The following AKT3 variants were observed in gnomAD, a reference collection of about 807,000 sequenced individuals.
AKT3 encodes the protein AKT serine/threonine kinase 3, also known as RAC-gamma serine/threonine-protein kinase.
A neutral mutation model predicts 65.3 loss-of-function variants in AKT3; 15 were observed. The ratio of observed to expected loss-of-function variants is 0.23; its 90% CI spans 0.15 to 0.35. The LOEUF (loss-of-function observed/expected upper bound fraction) is 0.35. AKT3 is among the 10% of genes least tolerant of loss of function. The pLI, the probability that AKT3 is intolerant of heterozygous loss-of-function variation, is 1.00. For synonymous variants in AKT3, 206 were observed against 183.8 expected (o/e 1.12, Z -0.98); for missense variants, 243 against 576.5 (o/e 0.42, Z 5.92).
At chr1:243,746,223 G>A (rs567506506) in intron 2 of AKT3, among the ~76,000 whole-genome samples, 7 of 151,598 alleles carry the variant, frequency 4.6e-5, no homozygotes, top group African/African-American at 1.2e-4. Flanking sequence ...ATAATTTAAC[G>A]TCCATTTCTA....
intron 2 of AKT3, among the ~76,000 whole-genome samples, chr1:243,742,380 C>G (rs113818244): frequency 0.03 from 4,588 of 152,306 alleles, 96 homozygotes; most frequent in Non-Finnish European, 0.051. Flanking sequence ...AATCCCAGCA[C>G]TTTGGGAAGC....
At chr1:243,704,993 T>C (rs1287978649) in intron 2 of AKT3, among the ~76,000 whole-genome samples, 1 of 152,174 alleles carries the variant, frequency 6.6e-6, no homozygotes, top group African/African-American at 2.4e-5. Context: ...TTTACAATTT[T>C]CGTGATTTTG....
intron 8 of AKT3, among the ~76,000 whole-genome samples, chr1:243,576,424 T>C (rs1192549841): frequency 3.0e-4 from 45 of 152,192 alleles, no homozygotes; most frequent in Non-Finnish European, 7.4e-5. Context: ...AGCATTCAAA[T>C]AGGAAGAGAG....
intron 11 of AKT3, among the ~76,000 whole-genome samples, chr1:243,547,666 C>T (rs1052578234): frequency 2.0e-5 from 3 of 152,052 alleles, no homozygotes; most frequent in African/African-American, 2.4e-5. Context: ...GTCAAGCCAT[C>T]GTAGGTCAGA....
Position 243,808,869 on chromosome 1 carries a change from C to T in AKT3, c.46+34256G>A, listed in dbSNP as rs569042595. On this transcript the variant is annotated intron_variant, in intron 2 of 13. Coordinates refer to ENST00000673466, the MANE Select transcript of AKT3 (RefSeq NM_005465.7). ...TCTGTAAGCCAGAAGAGTGTGGGGG[C>T]CAATATTCAACATACTTAAAGAAAA... Among the ~76,000 whole-genome samples the T allele has an allele frequency of 1.6e-3, 250 of 152,208 alleles. 1 individual carries two copies. The highest frequency in any genetic ancestry group is 2.8e-3 in the Non-Finnish European group (193 of 68,016).
At chr1:243,561,323 G>C (rs920763838) in intron 10 of AKT3, among the ~76,000 whole-genome samples, 1 of 151,900 alleles carries the variant, frequency 6.6e-6, no homozygotes, top group African/African-American at 2.4e-5. Context: ...TTTTCCTGTT[G>C]GGCATTTACA....
rs1228382718 is a variant in AKT3 at position 243,501,970 on chromosome 1, A to G, written c.*3279T>C. On this transcript the variant is annotated 3_prime_UTR_variant, in exon 14 of 14. Transcript: ENST00000673466. ...AATAGTAATACAGTTTCTTGGGTTT[A>G]TAGTTGCATCTGCTTAAAATCCTTA... 1.7e-5 allele frequency: 4 copies of G among 232,718 alleles called. No homozygotes were observed. Among genetic ancestry groups the G allele is most frequent in the Non-Finnish European group, 3.4e-5 (4 of 117,836 alleles). 14.4% of individuals were successfully genotyped at this position (232,718 alleles called of 1,614,324 possible). A position where few individuals can be genotyped will look rare whatever the true frequency, so the allele number is the denominator to read the frequency against.
chr1:243,669,560 A>C (rs1683030188), intron 3 of AKT3, among the ~76,000 whole-genome samples: 1 of 152,348 alleles, frequency 6.6e-6, no homozygotes, highest in East Asian at 1.9e-4. Flanking sequence ...AAAGTACTTT[A>C]TATCTAAGCC....
chr1:243,835,925 G>C (rs1303497251), intron 2 of AKT3, among the ~76,000 whole-genome samples: 1 of 151,828 alleles, frequency 6.6e-6, no homozygotes, highest in African/African-American at 2.4e-5. Context: ...TAAATAACAA[G>C]CCAATAGGAG....
At chr1:243,534,159 GAC>G (rs1671744772) in intron 12 of AKT3, among the ~76,000 whole-genome samples, 1 of 152,002 alleles carries the variant, frequency 6.6e-6, no homozygotes. Context: ...TAAATATAAA[GAC>G]ACTGATAGAT....
chr1:243,488,983 C>T (rs1558541394), intron 13 of AKT3: 2 of 1,613,148 alleles, frequency 1.2e-6, no homozygotes, highest in Non-Finnish European at 8.5e-7. Flanking sequence ...GACGTTATCC[C>T]TCTTTAATTC....
At chr1:243,796,695 T>C (rs1692033196) in intron 2 of AKT3, among the ~76,000 whole-genome samples, 1 of 152,156 alleles carries the variant, frequency 6.6e-6, no homozygotes, top group South Asian at 2.1e-4. Flanking sequence ...GCTTGTAACG[T>C]TCTTCTTCTA....
At chr1:243,508,259 C>T (rs974857338) in intron 13 of AKT3, among the ~76,000 whole-genome samples, 3 of 152,348 alleles carry the variant, frequency 2.0e-5, no homozygotes, top group Non-Finnish European at 4.4e-5. Flanking sequence ...AATACTGCCC[C>T]GTTGCCCTAG....
intron 2 of AKT3, among the ~76,000 whole-genome samples, chr1:243,801,980 C>G (rs999020782): frequency 2.0e-5 from 3 of 152,034 alleles, no homozygotes; most frequent in African/African-American, 7.2e-5. Context: ...GAAAAATATT[C>G]CTATAGGATA....
intron 2 of AKT3, among the ~76,000 whole-genome samples, chr1:243,757,532 C>T (rs769676281): frequency 4.6e-5 from 7 of 152,060 alleles, no homozygotes; most frequent in South Asian, 2.1e-4. Context: ...ACAGGAGAAT[C>T]GCTTGAACCC....
At chr1:243,819,153 C>T (rs1292214639) in intron 2 of AKT3, among the ~76,000 whole-genome samples, 1 of 152,238 alleles carries the variant, frequency 6.6e-6, no homozygotes, top group Non-Finnish European at 1.5e-5. Flanking sequence ...AAAGGGGCCA[C>T]CGTCATCACT....
chr1:243,554,752 C>T (rs1457427994), intron 10 of AKT3, among the ~76,000 whole-genome samples: 3 of 151,866 alleles, frequency 2.0e-5, no homozygotes, highest in Non-Finnish European at 2.9e-5. Context: ...GTGGCATATA[C>T]GAAAAGGAGC....
intron 8 of AKT3, among the ~76,000 whole-genome samples, chr1:243,591,254 T>G (rs192303307): frequency 6.6e-6 from 1 of 152,062 alleles, no homozygotes; most frequent in Non-Finnish European, 1.5e-5. Context: ...AAGGCAAAAA[T>G]ATTTCATGTT....
intron 3 of AKT3, among the ~76,000 whole-genome samples, chr1:243,677,781 A>T (rs776242049): frequency 6.6e-6 from 1 of 152,176 alleles, no homozygotes. Context: ...CAAATCAAGT[A>T]ATTCCATTAA....
Sources: gnomAD v4.1 joint callset for allele counts (sites outside exome capture counted in the v4.1 genomes callset) on GRCh38, gnomAD v4.1.1 for gene constraint, MANE v1.5 for transcripts, NCBI Gene and HGNC (gene_info 2026-07-23, HGNC 2026-07-21) for gene names.